Variants in STK3 observed in about 807,000 individuals in gnomAD.
STK3 encodes serine/threonine-protein kinase 3.
Under a neutral mutation model 58.0 loss-of-function variants are expected in STK3, and 41 were observed. The ratio of observed to expected loss-of-function variants is 0.71; its 90% CI spans 0.55 to 0.92. The LOEUF (loss-of-function observed/expected upper bound fraction) is 0.92, where lower values mean the gene tolerates loss of function less well. Among genes scored for constraint, STK3 ranks in the 40% least tolerant of loss-of-function variants. The pLI, the probability that STK3 is intolerant of heterozygous loss-of-function variation, is 0.00. For missense variants in STK3, 479 were observed against 602.7 expected (o/e 0.79, Z 2.15); for synonymous variants, 170 against 191.0 (o/e 0.89, Z 0.91).
chr8:98,655,604 T>C (rs1587185719), intron 6 of STK3, among the ~76,000 whole-genome samples: 1 of 151,042 alleles, frequency 6.6e-6, no homozygotes. Flanking sequence ...AGGGCTAATA[T>C]CCAGAATCTA....
At chr8:98,355,765 G>A in the STK3 span, among the ~76,000 whole-genome samples, 1 of 152,224 alleles carries the variant, frequency 6.6e-6, no homozygotes, top group Non-Finnish European at 1.5e-5. Context: ...CAAGATGGAT[G>A]TAATACCCAT....
chr8:98,567,930 C>T (rs981013003), intron 8 of STK3, among the ~76,000 whole-genome samples: 6 of 151,882 alleles, frequency 4.0e-5, no homozygotes, highest in Admixed American at 1.3e-4. Context: ...TGGTGGCAGG[C>T]GCCTATAATC....
chr8:98,467,080 G>T (rs532631492), intron 10 of STK3, among the ~76,000 whole-genome samples: 17 of 152,270 alleles, frequency 1.1e-4, no homozygotes, highest in Admixed American at 2.0e-4. Context: ...TCTGCCTTTA[G>T]TGGCACACCA....
chr8:98,764,021 T>C (rs1458869364), intron 3 of STK3, among the ~76,000 whole-genome samples: 2 of 152,230 alleles, frequency 1.3e-5, no homozygotes, highest in Non-Finnish European at 2.9e-5. Flanking sequence ...TTAGGATCTT[T>C]TAACCAACTA....
At chr8:98,882,982 T>G (rs1468611662), downstream of STK3, 1 of 152,258 alleles carries the variant, frequency 6.6e-6, no homozygotes, top group African/African-American at 2.4e-5. Context: ...TTTGGTGTCC[T>G]AGGAGTTCTC....
intron 1 of STK3, among the ~76,000 whole-genome samples, chr8:98,937,039 G>T (rs2132054167): frequency 6.6e-6 from 1 of 152,274 alleles, no homozygotes; most frequent in East Asian, 1.9e-4. Context: ...CTGTGTTTTG[G>T]GCTCAGAGGC....
chr8:98,918,371 G>C (rs778347625), intron 1 of STK3, among the ~76,000 whole-genome samples: 1 of 152,226 alleles, frequency 6.6e-6, no homozygotes, highest in African/African-American at 2.4e-5. Context: ...GACTGATTAA[G>C]AGCCTGGAGC....
chr8:98,933,348 T>A (rs1238963768), intron 1 of STK3, among the ~76,000 whole-genome samples: 1 of 152,228 alleles, frequency 6.6e-6, no homozygotes, highest in East Asian at 1.9e-4. Flanking sequence ...CCTTTATTTT[T>A]AAAATATTGT....
At chr8:98,710,692 C>G (rs537590066) in intron 4 of STK3, among the ~76,000 whole-genome samples, 1 of 152,208 alleles carries the variant, frequency 6.6e-6, no homozygotes, top group Non-Finnish European at 1.5e-5. Flanking sequence ...GCTGGCCTAC[C>G]TCTGTAGACT....
At chr8:98,496,949 T>C (rs1299760843) in intron 10 of STK3, among the ~76,000 whole-genome samples, 1 of 151,928 alleles carries the variant, frequency 6.6e-6, no homozygotes, top group Non-Finnish European at 1.5e-5. Flanking sequence ...AAATGGCAAA[T>C]TTTATGGTTT....
intron 6 of STK3, among the ~76,000 whole-genome samples, chr8:98,630,695 A>C (rs1211140119): frequency 7.0e-6 from 1 of 143,452 alleles, no homozygotes; most frequent in East Asian, 2.0e-4. Flanking sequence ...AAGGAGAAGA[A>C]GGAGGAGAAG....
chr8:98,887,803 G>T (rs1469215330), intron 1 of STK3, among the ~76,000 whole-genome samples: 1 of 152,182 alleles, frequency 6.6e-6, no homozygotes, highest in Non-Finnish European at 1.5e-5. Context: ...TTCTGGACAA[G>T]GCCACTAAGA....
intron 8 of STK3, among the ~76,000 whole-genome samples, chr8:98,568,220 T>C (rs1812666419): frequency 6.6e-6 from 1 of 152,196 alleles, no homozygotes; most frequent in Non-Finnish European, 1.5e-5. Flanking sequence ...GGTTTACACC[T>C]ATCCCTCTCA....
chr8:98,596,501 C>G (rs1815838290), intron 6 of STK3: 4 of 166,896 alleles, frequency 2.4e-5, no homozygotes, highest in African/African-American at 9.5e-5. Context: ...AATTTTGCTA[C>G]TACATGCCAG....
chr8:98,426,864 AC>A (rs1818240301), intron 3 of STK3, among the ~76,000 whole-genome samples: 1 of 151,970 alleles, frequency 6.6e-6, no homozygotes, highest in South Asian at 2.1e-4. Context: ...GGTCGCGGTG[AC>A]GCGCCGGGGA....
intron 10 of STK3, among the ~76,000 whole-genome samples, chr8:98,458,710 G>A (rs1819699911): frequency 6.6e-6 from 1 of 152,170 alleles, no homozygotes; most frequent in South Asian, 2.1e-4. Flanking sequence ...TAGTGAGTGA[G>A]TTCTCACAAT....
At chr8:98,445,905 G>C (rs1030461884) in intron 1 of STK3, among the ~76,000 whole-genome samples, 2 of 152,138 alleles carry the variant, frequency 1.3e-5, no homozygotes, top group African/African-American at 4.8e-5. Flanking sequence ...CAGAAAATAG[G>C]CTAGCTCCAA....
At chr8:98,427,055 C>G (rs1818244858) in intron 3 of STK3, 1 of 150,580 alleles carries the variant, frequency 6.6e-6, no homozygotes, top group Admixed American at 6.6e-5. Flanking sequence ...TCCTGCCTCT[C>G]TGGGTGGGTG....
intron 3 of STK3, among the ~76,000 whole-genome samples, chr8:98,751,587 T>C (rs1184878143): frequency 6.6e-6 from 1 of 152,140 alleles, no homozygotes; most frequent in Non-Finnish European, 1.5e-5. Flanking sequence ...TACAAAACAC[T>C]GCTCAAAGAA....
Sources: gnomAD v4.1 joint callset for allele counts (sites outside exome capture counted in the v4.1 genomes callset) on GRCh38, gnomAD v4.1.1 for gene constraint, MANE v1.5 for transcripts, NCBI Gene and HGNC (gene_info 2026-07-23, HGNC 2026-07-21) for gene names.